Variants in SSBP3 observed in about 807,000 individuals in gnomAD.
SSBP3 encodes the protein single-stranded DNA-binding protein 3.
Under a neutral mutation model 69.6 loss-of-function variants are expected in SSBP3, and 5 were observed. That is an observed-to-expected ratio of 0.07 (90% confidence interval 0.04 to 0.15). SSBP3 has a LOEUF of 0.15. Ranked by LOEUF, SSBP3 falls within the 10% of genes least tolerant of loss-of-function variation. SSBP3 has a pLI of 1.00. For missense variants in SSBP3, 312 were observed against 534.0 expected, an observed-to-expected ratio of 0.58 and a Z score of 4.10; for synonymous variants, 196 against 193.4, an observed-to-expected ratio of 1.01 and a Z score of -0.11.
Position 54,316,665 on chromosome 1 carries a change from T to C in SSBP3, c.277-35138A>G, listed in dbSNP as rs201551498. 9.7e-5 allele frequency among the ~76,000 whole-genome samples: 2 copies of C among 20,650 alleles called. 1 individual carries two copies. The highest frequency in any genetic ancestry group is 2.1e-4 in the Non-Finnish European group (2 of 9,372). The allele number at this position is 20,650 out of a possible 152,430, so 13.5% of individuals were successfully genotyped here. ...TCCGTCTCAAAAAAAAAAAATAAAA[T>C]AAATAAATAAATAAATAAATAAATA... On this transcript the variant is annotated intron_variant, in intron 4 of 17. Coordinates refer to ENST00000610401, the Ensembl canonical transcript of SSBP3.
chr1:54,229,687 G>C (rs1188950398), intron 14 of SSBP3, among the ~76,000 whole-genome samples: 1 of 152,242 alleles, frequency 6.6e-6, no homozygotes, highest in Non-Finnish European at 1.5e-5. Context: ...GCTGGGGAGG[G>C]GCGGCTGAGC....
At chr1:54,300,492 C>T (rs1182219515) in intron 4 of SSBP3, among the ~76,000 whole-genome samples, 2 of 152,184 alleles carry the variant, frequency 1.3e-5, no homozygotes, top group Non-Finnish European at 2.9e-5. Flanking sequence ...TGCTGTTGCA[C>T]ACATTAATGA....
At chr1:54,256,995 T>A (rs902778525) in intron 7 of SSBP3, 132 bp downstream of exon 7, 8 of 892,898 alleles carry the variant, frequency 9.0e-6, no homozygotes, top group Non-Finnish European at 1.4e-5. Context: ...GAACAGCTAG[T>A]AAGCTACCAG....
At chr1:54,257,341 CT>C (rs1464682778) in intron 6 of SSBP3, 155 bp from the exon 7 acceptor site, 3 of 600,716 alleles carry the variant, frequency 5.0e-6, no homozygotes, top group Non-Finnish European at 8.4e-6. Flanking sequence ...GCAAAACTTC[CT>C]TTGGGCAGAG....
chr1:54,228,917 G>A, intron 14 of SSBP3, 91 bp from the exon 15 acceptor site: 1 of 1,357,422 alleles, frequency 7.4e-7, no homozygotes, highest in Non-Finnish European at 1.0e-6. Context: ...CTTGAGTCCT[G>A]GCCCTGGGGA....
chr1:54,244,630 G>T (rs746879169), intron 9 of SSBP3, among the ~76,000 whole-genome samples: 2 of 152,186 alleles, frequency 1.3e-5, no homozygotes, highest in Middle Eastern at 3.2e-3. Context: ...GAGGCACAGC[G>T]GGGTGGGTCA....
chr1:54,306,817 A>T (rs952978347), intron 4 of SSBP3, among the ~76,000 whole-genome samples: 4 of 152,040 alleles, frequency 2.6e-5, no homozygotes, highest in South Asian at 2.1e-4. Flanking sequence ...AAATTTTTTT[A>T]AATAAAAAAG....
In SSBP3 at chr1:54,294,161, AAGAAAGAAAG is replaced by A. The variant is rs772680103; in HGVS notation, c.277-12644_277-12635del. On this transcript the variant is annotated intron_variant, in intron 4 of 17. Transcript: ENST00000610401. The stretch of plus-strand genomic sequence containing the variant: ...CCATCTCAAAAAAAAAAAAAAAAAA[AAGAAAGAAAG>A]AAAGAAAGAAAGAAAGAAAGAAAAG... 5.4e-4 allele frequency among the ~76,000 whole-genome samples: 38 copies of A among 70,458 alleles called. 3 individuals are homozygous for A. Among genetic ancestry groups the A allele is most frequent in the Admixed American group, 6.8e-4 (3 of 4,430 alleles). 46.2% of individuals were successfully genotyped at this position (70,458 alleles called of 152,430 possible). A position where few individuals can be genotyped will look rare whatever the true frequency, so the allele number is the denominator to read the frequency against.
chr1:54,299,346 T>C (rs1294269664), intron 4 of SSBP3, among the ~76,000 whole-genome samples: 1 of 152,092 alleles, frequency 6.6e-6, no homozygotes, highest in Non-Finnish European at 1.5e-5. Flanking sequence ...CACGGGGGCG[T>C]GCTAGCACAC....
intron 4 of SSBP3, among the ~76,000 whole-genome samples, chr1:54,309,811 C>T (rs1645966108): frequency 6.6e-6 from 1 of 152,214 alleles, no homozygotes; most frequent in South Asian, 2.1e-4. Flanking sequence ...CCATTGCAGG[C>T]ACACACAAAG....
intron 17 of SSBP3, 95 bp downstream of exon 17, chr1:54,228,160 T>C (rs1644318786): frequency 8.8e-7 from 1 of 1,140,438 alleles, no homozygotes; most frequent in Admixed American, 1.7e-5. Context: ...CCAGCTTAGC[T>C]GGCAGGCTGC....
At chr1:54,260,680 C>G (rs1307946399) in intron 5 of SSBP3, among the ~76,000 whole-genome samples, 3 of 152,230 alleles carry the variant, frequency 2.0e-5, no homozygotes, top group Admixed American at 6.5e-5. Flanking sequence ...AGAAAAAAAG[C>G]TGACAAGCAG....
exon 1 of SSBP3, chr1:54,406,055 C>CGCCGCCGCCGCCGCCGCT: frequency 7.2e-7 from 1 of 1,380,960 alleles, no homozygotes; most frequent in Non-Finnish European, 9.7e-7. Flanking sequence ...CCGCCGCCGC[C>CGCCGCCGCCGCCGCCGCT]GCCGCTACCG....
chr1:54,362,435 G>T (rs1236286503), intron 4 of SSBP3, among the ~76,000 whole-genome samples: 1 of 152,242 alleles, frequency 6.6e-6, no homozygotes, highest in East Asian at 1.9e-4. Flanking sequence ...GCCCCCAGGG[G>T]TTGCTTTGTG....
At chr1:54,301,321 C>A (rs1645796995) in intron 4 of SSBP3, among the ~76,000 whole-genome samples, 1 of 152,180 alleles carries the variant, frequency 6.6e-6, no homozygotes, top group Non-Finnish European at 1.5e-5. Context: ...CCAGCAGCAG[C>A]AGCACGCCAA....
At chr1:54,301,717 G>A (rs1557511536) in intron 4 of SSBP3, among the ~76,000 whole-genome samples, 1 of 152,276 alleles carries the variant, frequency 6.6e-6, no homozygotes, top group East Asian at 1.9e-4. Context: ...AAGCGAGGCT[G>A]AGCAGATGGG....
intron 4 of SSBP3, among the ~76,000 whole-genome samples, chr1:54,344,983 G>A (rs757802914): frequency 1.3e-5 from 2 of 152,214 alleles, no homozygotes; most frequent in Admixed American, 6.5e-5. Context: ...CAGCACTGAG[G>A]AGACGTATAA....
intron 7 of SSBP3, among the ~76,000 whole-genome samples, chr1:54,254,786 G>A (rs1644889813): frequency 6.6e-6 from 1 of 152,166 alleles, no homozygotes; most frequent in South Asian, 2.1e-4. Flanking sequence ...GAAATTTCTT[G>A]AGGTCACAGG....
chr1:54,272,654 C>G (rs1305090174), intron 5 of SSBP3, among the ~76,000 whole-genome samples: 1 of 152,180 alleles, frequency 6.6e-6, no homozygotes, highest in Admixed American at 6.5e-5. Flanking sequence ...GACAGAAGGA[C>G]CTCGTGGGGG....
Sources: gnomAD v4.1 joint callset for allele counts (sites outside exome capture counted in the v4.1 genomes callset) on GRCh38, gnomAD v4.1.1 for gene constraint, MANE v1.5 for transcripts, NCBI Gene and HGNC (gene_info 2026-07-23, HGNC 2026-07-21) for gene names.